The following BPTF variants were observed in gnomAD, a reference collection of about 807,000 sequenced individuals.
The protein encoded by BPTF is bromodomain PHD finger transcription factor.
BPTF carries 18 observed loss-of-function variants against 292.5 expected under a neutral mutation model. The ratio of observed to expected loss-of-function variants is 0.06; its 90% CI spans 0.04 to 0.09. The LOEUF (loss-of-function observed/expected upper bound fraction) is 0.09, where lower values mean the gene tolerates loss of function less well. BPTF is among the 10% of genes least tolerant of loss of function. The probability of loss-of-function intolerance (pLI) is 1.00; values close to 1 mark genes in which losing one functional copy is unlikely to be tolerated. For synonymous variants in BPTF, 1,225 were observed against 1,251.9 expected (o/e 0.98, Z 0.45); for missense variants, 2,726 against 3,498.7 (o/e 0.78, Z 5.57).
In BPTF at chr17:67,912,798, C is replaced by T. The variant is rs2146961341; in HGVS notation, c.4914C>T (p.Pro1638=). The change falls in exon 11 of 28, where the codon CCC becomes CCT. Residue 1638 remains proline (P), a synonymous_variant. Transcript: ENST00000306378. ...TTTTVTKLST[P]STGGSVDIIS... The stretch of plus-strand genomic sequence containing the variant: ...CAACAGTGACCAAGCTTTCCACACC[C>T]TCCACAGGCGGCAGTGTGGACATCA... The T allele has an allele frequency of 1.2e-6, 2 of 1,614,160 alleles. No homozygotes were observed. Among genetic ancestry groups the T allele is most frequent in the Middle Eastern group, 1.6e-4 (1 of 6,062 alleles).
chr17:67,880,140 G>A (rs965421471), intron 4 of BPTF, among the ~76,000 whole-genome samples: 1 of 151,116 alleles, frequency 6.6e-6, no homozygotes, highest in Admixed American at 6.6e-5. Context: ...GTCTATACTC[G>A]CTCTATTTTT....
At chr17:67,960,485 G>T (rs2067373934) in intron 24 of BPTF, 1 of 152,168 alleles carries the variant, frequency 6.6e-6, no homozygotes, top group South Asian at 2.1e-4. Context: ...TTGGCAGCTG[G>T]AAGCTGTTTT....
chr17:67,861,458 G>C lies in BPTF; in HGVS notation c.1437-5006G>C, dbSNP rs1445862524. Among the ~76,000 whole-genome samples the C allele has an allele frequency of 2.6e-5, 4 of 151,100 alleles. No homozygotes were observed. In the East Asian group the frequency reaches 5.9e-4, roughly 22 times the overall value. On this transcript the variant is annotated intron_variant, in intron 2 of 27. Coordinates refer to ENST00000306378, the MANE Select transcript of BPTF (RefSeq NM_182641.4). ...GCGACTCCCGAGTGGGTGGGATTAC[G>C]GGCGGCCGCCACCACACCTGGCTAA...
At chr17:67,979,893 A>T (rs782760428) in intron 27 of BPTF, among the ~76,000 whole-genome samples, 5 of 151,734 alleles carry the variant, frequency 3.3e-5, no homozygotes, top group African/African-American at 4.8e-5. Context: ...TAAAAAAATT[A>T]GCTAGGTGTG....
rs766883695 is a variant in BPTF, at chr17:67,826,168, G to T, written c.444G>T (p.Glu148Asp). 1 of 1,565,024 alleles carries T rather than the reference G, an allele frequency of 6.4e-7. No homozygotes were observed. Reference protein sequence around the residue: ...EDMVSEEEEEEDGDAEETQDS... With the variant: ...EDMVSEEEEEDDGDAEETQDS... ...TGGTCTCCGAGGAGGAGGAGGAGGAGGACGGCGACGCCGAGGAGACCCAGG... is the reference window on the plus strand; with the variant it reads ...TGGTCTCCGAGGAGGAGGAGGAGGATGACGGCGACGCCGAGGAGACCCAGG... Residue 148 changes from glutamate (E) to aspartate (D), a missense_variant, in exon 1 of 28, where the codon GAG (glutamate) becomes GAT (aspartate). This residue lies in a region of BPTF where 153 missense variants were observed against 178.3 expected (regional missense o/e 0.86). Coordinates refer to ENST00000306378, the MANE Select transcript of BPTF (RefSeq NM_182641.4).
At chr17:67,840,104 ATTT>A (rs113437066) in intron 1 of BPTF, among the ~76,000 whole-genome samples, 36,811 of 139,086 alleles carry the variant, frequency 0.26, 5,601 homozygotes, top group East Asian at 0.47. Context: ...AAAAATACTG[ATTT>A]TTTTTTTTTT....
chr17:67,945,075 G>A (rs1313816793), intron 20 of BPTF, among the ~76,000 whole-genome samples: 2 of 151,928 alleles, frequency 1.3e-5, no homozygotes, highest in African/African-American at 2.4e-5. Context: ...TTGCTCTGTC[G>A]CCCAGGCTGA....
chr17:67,905,071 A>G (rs966904845), intron 9 of BPTF, among the ~76,000 whole-genome samples: 1 of 152,148 alleles, frequency 6.6e-6, no homozygotes, highest in African/African-American at 2.4e-5. Flanking sequence ...CTTGTTTTTT[A>G]GAAGACGCCT....
intron 3 of BPTF, among the ~76,000 whole-genome samples, chr17:67,869,959 C>G (rs2059620373): frequency 6.9e-6 from 1 of 145,364 alleles, no homozygotes; most frequent in African/African-American, 2.5e-5. Context: ...CCGAGTGAGC[C>G]ACTGCACTCC....
intron 27 of BPTF, 79 bp downstream of exon 27, chr17:67,976,037 G>C: frequency 8.7e-7 from 1 of 1,148,730 alleles, no homozygotes; most frequent in Non-Finnish European, 1.2e-6. Flanking sequence ...GATTCAACCA[G>C]TGCAGTTTAT....
Position 67,945,842 on chromosome 17 carries a change from A to T in BPTF, c.7134A>T (p.Gln2378His). The T allele has an allele frequency of 6.2e-7, 1 of 1,614,144 alleles. No individual in the cohort carries two copies. Among genetic ancestry groups the T allele is most frequent in the Non-Finnish European group, 8.5e-7 (1 of 1,180,012 alleles). The change falls in exon 21 of 28, where the codon CAA (glutamine) becomes CAT (histidine). Residue 2378 changes from glutamine (Q) to histidine (H), a missense_variant. Physicochemically the swap from Gln to His is conservative, Grantham distance 24 (BLOSUM62 0). Around this residue, in one of 22 missense-constraint regions of BPTF, gnomAD observed 570 missense variants for 633.5 expected, o/e 0.90. Coordinates refer to ENST00000306378, the MANE Select transcript of BPTF (RefSeq NM_182641.4). ...CAACCTCACAACCGATTCCAATTCA[A>T]CCACATACATCTCTTCAGATACCTT... The part of the protein sequence containing the change: ...QTTTSQPIPI[Q>H]PHTSLQIPSQ...
At chr17:67,873,756 T>C (rs1315883989) in intron 3 of BPTF, among the ~76,000 whole-genome samples, 1 of 152,160 alleles carries the variant, frequency 6.6e-6, no homozygotes, top group Non-Finnish European at 1.5e-5. Flanking sequence ...ATAATATAGA[T>C]GTATATATTT....
Position 67,959,853 on chromosome 17 carries a change from A to G in BPTF, c.8239A>G (p.Lys2747Glu), listed in dbSNP as rs1474692094. 1 of 1,601,892 alleles carries G rather than the reference A, an allele frequency of 6.2e-7. No homozygotes were observed. Among genetic ancestry groups the G allele is most frequent in the Non-Finnish European group, 8.5e-7 (1 of 1,175,178 alleles). The change falls in exon 24 of 28, where the codon AAA becomes GAA. Residue 2747 changes from lysine (K) to glutamate (E), a missense_variant. Physicochemically the swap from Lys to Glu is moderately conservative, Grantham distance 56. Coordinates refer to ENST00000306378, the MANE Select transcript of BPTF (RefSeq NM_182641.4). ...KKDTKLYCIC[K>E]TPYDESKFYI... is the part of the protein sequence containing the mutation. Reference sequence around the variant, plus strand: ...GGACACAAAGCTTTACTGTATCTGTAAAACGCCTTATGATGAATCTAAGTG... The same window carrying G: ...GGACACAAAGCTTTACTGTATCTGTGAAACGCCTTATGATGAATCTAAGTG...
chr17:67,947,601 C>T (rs782132096), intron 21 of BPTF, 125 bp from the exon 22 acceptor site: 53 of 711,978 alleles, frequency 7.4e-5, no homozygotes, highest in Admixed American at 1.9e-4. Context: ...ATTTATGTTA[C>T]GATATAAAAT....
rs2064384014 is a variant in BPTF at position 67,931,500 on chromosome 17, T to C, written c.6151-411T>C. ...TAAAATAAATAAATAAATAAATAAA[T>C]AATTTTTAAAAAACTATGAAAGAAC... On this transcript the variant is annotated intron_variant, in intron 17 of 27. Coordinates refer to ENST00000306378, the MANE Select transcript of BPTF (RefSeq NM_182641.4). 1.3e-5 allele frequency among the ~76,000 whole-genome samples: 2 copies of C among 152,010 alleles called. 1 individual carries two copies. The highest frequency in any genetic ancestry group is 4.1e-4 in the South Asian group (2 of 4,828).
intron 4 of BPTF, among the ~76,000 whole-genome samples, chr17:67,888,942 A>T (rs918320253): frequency 2.0e-5 from 3 of 152,216 alleles, no homozygotes; most frequent in Admixed American, 1.3e-4. Context: ...ACTCACTTGT[A>T]GATTCCTAGG....
chr17:67,967,930 A>G (rs1378100895), intron 26 of BPTF, among the ~76,000 whole-genome samples: 1 of 151,502 alleles, frequency 6.6e-6, no homozygotes, highest in African/African-American at 2.4e-5. Flanking sequence ...GAATGAAATT[A>G]ATGAATGGGT....
At chr17:67,954,098 C>T (rs1254529625) in intron 23 of BPTF, among the ~76,000 whole-genome samples, 16 of 112,626 alleles carry the variant, frequency 1.4e-4, no homozygotes, top group South Asian at 1.0e-3. Context: ...TCAGTCCTTC[C>T]GCCTCAGCCT....
intron 1 of BPTF, among the ~76,000 whole-genome samples, chr17:67,846,828 G>A (rs934752941): frequency 5.9e-5 from 9 of 152,144 alleles, no homozygotes; most frequent in African/African-American, 1.2e-4. Flanking sequence ...AGCTTCTGGA[G>A]TAGCTGGGAT....
Sources: allele counts gnomAD v4.1 joint callset (sites outside exome capture counted in the v4.1 genomes callset), GRCh38; gene constraint gnomAD v4.1.1; regional missense constraint gnomAD v4.1.1; transcripts MANE v1.5; gene names NCBI Gene and HGNC (gene_info 2026-07-23, HGNC 2026-07-21).